Variants in LOC128125818 observed in about 807,000 individuals in gnomAD.
At chr4:6,065,820 A>G in the LOC128125818 span, among the ~76,000 whole-genome samples, 2 of 152,284 alleles carry the variant, frequency 1.3e-5, no homozygotes, top group African/African-American at 4.8e-5. This position sits in a 1 kb window ranked among gnomAD's most constrained non-coding sequence, Gnocchi z 5.1. Flanking sequence ...ATTCACTCAG[A>G]AAACACTGGC....
At chr4:6,065,435 G>A in the LOC128125818 span, among the ~76,000 whole-genome samples, 2 of 152,232 alleles carry the variant, frequency 1.3e-5, no homozygotes, top group Non-Finnish European at 2.9e-5. The surrounding 1 kb of genome is among the most constrained non-coding windows in gnomAD (Gnocchi z 5.1). Flanking sequence ...CCAAGGAGAA[G>A]GGGGACAGGG....
At chr4:6,065,644 T>C in the LOC128125818 span, among the ~76,000 whole-genome samples, 3 of 152,148 alleles carry the variant, frequency 2.0e-5, no homozygotes, top group Non-Finnish European at 4.4e-5. This position sits in a 1 kb window ranked among gnomAD's most constrained non-coding sequence, Gnocchi z 5.1. Flanking sequence ...ACTGGGAAGA[T>C]TCACAGAATG....
At chr4:6,065,021 A>G in the LOC128125818 span, 4 of 1,613,912 alleles carry the variant, frequency 2.5e-6, no homozygotes, top group East Asian at 2.2e-5. The surrounding 1 kb of genome is among the most constrained non-coding windows in gnomAD (Gnocchi z 5.1). Flanking sequence ...GTAAAACGCA[A>G]TTTGTATGAT....
At chr4:6,067,185 G>T in the LOC128125818 span, among the ~76,000 whole-genome samples, 1 of 152,178 alleles carries the variant, frequency 6.6e-6, no homozygotes, top group Admixed American at 6.5e-5. The surrounding 1 kb of genome is among the most constrained non-coding windows in gnomAD (Gnocchi z 4.6). Flanking sequence ...TGAAATGGAA[G>T]CTCCATGAAG....
chr4:6,068,220 C>T, the LOC128125818 span, among the ~76,000 whole-genome samples: 3 of 152,152 alleles, frequency 2.0e-5, no homozygotes, highest in African/African-American at 7.2e-5. Flanking sequence ...ACTCCCAAGC[C>T]CTAATACAGG....
the LOC128125818 span, among the ~76,000 whole-genome samples, chr4:6,067,714 C>T: frequency 6.6e-6 from 1 of 150,602 alleles, no homozygotes; most frequent in Non-Finnish European, 1.5e-5. This position sits in a 1 kb window ranked among gnomAD's most constrained non-coding sequence, Gnocchi z 4.6. Flanking sequence ...AGGTCACCCC[C>T]CTGAGCTCCA....
At chr4:6,068,795 C>G in the LOC128125818 span, among the ~76,000 whole-genome samples, 1 of 152,142 alleles carries the variant, frequency 6.6e-6, no homozygotes, top group Non-Finnish European at 1.5e-5. Context: ...GTGTCAAACT[C>G]TTGACCTCAA....
chr4:6,065,006 C>T, the LOC128125818 span: 1 of 1,614,068 alleles, frequency 6.2e-7, no homozygotes, highest in African/African-American at 1.3e-5. This position sits in a 1 kb window ranked among gnomAD's most constrained non-coding sequence, Gnocchi z 5.1. Flanking sequence ...CCACAACATG[C>T]TTCTGTAAAA....
At chr4:6,066,692 T>C in the LOC128125818 span, among the ~76,000 whole-genome samples, 2 of 152,106 alleles carry the variant, frequency 1.3e-5, no homozygotes, top group African/African-American at 4.8e-5. Context: ...AGAAACCCTG[T>C]TGTCTTCACC....
chr4:6,069,281 G>C, the LOC128125818 span, among the ~76,000 whole-genome samples: 2 of 152,174 alleles, frequency 1.3e-5, no homozygotes, highest in African/African-American at 4.8e-5. This position sits in a 1 kb window ranked among gnomAD's most constrained non-coding sequence, Gnocchi z 4.5. Flanking sequence ...ACTCTTCTAA[G>C]AGTCTCTAGG....
the LOC128125818 span, among the ~76,000 whole-genome samples, chr4:6,067,033 G>T: frequency 6.6e-6 from 1 of 152,034 alleles, no homozygotes; most frequent in Non-Finnish European, 1.5e-5. The surrounding 1 kb of genome is among the most constrained non-coding windows in gnomAD (Gnocchi z 4.6). Flanking sequence ...AGGCTTCCTG[G>T]CCACCATGCC....
At chr4:6,067,081 G>A in the LOC128125818 span, among the ~76,000 whole-genome samples, 8 of 152,244 alleles carry the variant, frequency 5.3e-5, no homozygotes, top group Non-Finnish European at 1.0e-4. This position sits in a 1 kb window ranked among gnomAD's most constrained non-coding sequence, Gnocchi z 4.6. Context: ...CAGCCTCTGG[G>A]GCCTCCTTCT....
At chr4:6,068,388 G>A in the LOC128125818 span, among the ~76,000 whole-genome samples, 7 of 152,060 alleles carry the variant, frequency 4.6e-5, no homozygotes, top group Non-Finnish European at 7.3e-5. Flanking sequence ...AGAGGAAGCA[G>A]CTCTTAGAGC....
the LOC128125818 span, chr4:6,069,993 G>A: frequency 2.3e-4 from 92 of 398,002 alleles, no homozygotes; most frequent in South Asian, 6.4e-4. The surrounding 1 kb of genome is among the most constrained non-coding windows in gnomAD (Gnocchi z 4.5). Flanking sequence ...CAGGAGCATC[G>A]GTCGGCCACA....
the LOC128125818 span, among the ~76,000 whole-genome samples, chr4:6,067,469 G>A: frequency 6.6e-6 from 1 of 152,182 alleles, no homozygotes. This position sits in a 1 kb window ranked among gnomAD's most constrained non-coding sequence, Gnocchi z 4.6. Flanking sequence ...CCCTCTGGAT[G>A]AGAACCCCAC....
At chr4:6,065,121 T>C in the LOC128125818 span, 16,054 of 1,322,086 alleles carry the variant, frequency 0.012, 129 homozygotes, top group Non-Finnish European at 0.014. This position sits in a 1 kb window ranked among gnomAD's most constrained non-coding sequence, Gnocchi z 5.1. Context: ...TTTGGGCCAC[T>C]GGGGCATCAC....
the LOC128125818 span, among the ~76,000 whole-genome samples, chr4:6,067,835 C>G: frequency 3.3e-5 from 5 of 152,100 alleles, no homozygotes; most frequent in African/African-American, 1.2e-4. This position sits in a 1 kb window ranked among gnomAD's most constrained non-coding sequence, Gnocchi z 4.6. Flanking sequence ...CACTCAAGCT[C>G]TTCTGCACAC....
chr4:6,066,894 T>C, the LOC128125818 span, among the ~76,000 whole-genome samples: 1 of 151,686 alleles, frequency 6.6e-6, no homozygotes, highest in Non-Finnish European at 1.5e-5. Context: ...CCTCCTCCGC[T>C]CCAGGCTTCT....
the LOC128125818 span, among the ~76,000 whole-genome samples, chr4:6,069,747 T>C: frequency 2.4e-4 from 25 of 103,912 alleles, no homozygotes; most frequent in South Asian, 4.2e-3. The surrounding 1 kb of genome is among the most constrained non-coding windows in gnomAD (Gnocchi z 4.5). Context: ...GGCAAGATCC[T>C]GTCTCAAAAA....
Sources: allele counts gnomAD v4.1 joint callset (sites outside exome capture counted in the v4.1 genomes callset), GRCh38; gene constraint gnomAD v4.1.1; non-coding constraint Gnocchi (gnomAD v3.1); transcripts MANE v1.5.